The following GLB1L2 variants were observed in gnomAD, a reference collection of about 807,000 sequenced individuals.
GLB1L2 encodes galactosidase beta 1 like 2, also known as beta-galactosidase-1-like protein 2.
GLB1L2 carries 68 observed loss-of-function variants against 84.1 expected under a neutral mutation model. The ratio of observed to expected loss-of-function variants is 0.81; its 90% CI spans 0.67 to 0.99. The LOEUF (loss-of-function observed/expected upper bound fraction) is 0.99. Among genes scored for constraint, GLB1L2 ranks in the 50% least tolerant of loss-of-function variants. The pLI is 0.00. For missense variants in GLB1L2, 762 were observed against 805.6 expected (o/e 0.95, Z 0.66); for synonymous variants, 290 against 318.0 (o/e 0.91, Z 0.94).
Position 134,373,861 on chromosome 11 carries a change from G to A in GLB1L2, c.1595+53G>A, listed in dbSNP as rs1943989832. 2.3e-6 allele frequency: 3 copies of A among 1,295,642 alleles called. No homozygotes were observed. The Admixed American group carries it at 5.6e-5, about 24-fold the overall frequency. The allele number at this position is 1,295,642 out of a possible 1,614,324, so 80.3% of individuals were successfully genotyped here. On this transcript the variant is annotated intron_variant, in intron 16 of 18. Coordinates refer to ENST00000535456, the MANE Select transcript of GLB1L2 (RefSeq NM_001370461.1). ...GCACTCACAGGTATAGTGCTGTGTG[G>A]TGGGGCCCAGGGGTCCCTGGTGCAC... is the stretch of plus-strand genomic sequence containing the variant.
intron 8 of GLB1L2, 107 bp from the exon 9 acceptor site, chr11:134,367,150 A>G (rs1308998686): frequency 1.0e-6 from 1 of 968,348 alleles, no homozygotes; most frequent in African/African-American, 1.6e-5. Flanking sequence ...GTATGCAGAC[A>G]GGGAAGAGTA....
intron 1 of GLB1L2, among the ~76,000 whole-genome samples, chr11:134,335,732 G>T (rs1175450161): frequency 6.6e-6 from 1 of 152,180 alleles, no homozygotes; most frequent in East Asian, 1.9e-4. Flanking sequence ...TAAGGAAGTG[G>T]CAAGTGAAAT....
rs527856314 is a variant in GLB1L2, at chr11:134,356,771, G to A, written c.651+378G>A. Reference sequence around the variant, plus strand: ...TAAGAAATCCCTGCGCCCAGGCCATGTACCATACCAAGCAAAGAAGAATCC... The same window carrying A: ...TAAGAAATCCCTGCGCCCAGGCCATATACCATACCAAGCAAAGAAGAATCC... On this transcript the variant is annotated intron_variant, in intron 6 of 18. Coordinates refer to ENST00000535456, the MANE Select transcript of GLB1L2 (RefSeq NM_001370461.1). 1.3e-3 allele frequency among the ~76,000 whole-genome samples: 201 copies of A among 152,202 alleles called. 1 individual carries two copies. Among genetic ancestry groups the A allele is most frequent in the Non-Finnish European group, 2.6e-3 (177 of 68,034 alleles).
At chr11:134,355,584 C>T (rs1460205376) in intron 5 of GLB1L2, among the ~76,000 whole-genome samples, 4 of 152,196 alleles carry the variant, frequency 2.6e-5, no homozygotes, top group African/African-American at 7.2e-5. Context: ...CCCTCCCTAC[C>T]TCCCCTCCCT....
intron 15 of GLB1L2, among the ~76,000 whole-genome samples, chr11:134,373,377 T>C (rs897676708): frequency 6.6e-6 from 1 of 152,202 alleles, no homozygotes; most frequent in Non-Finnish European, 1.5e-5. Context: ...CCACTGAAAC[T>C]GGCCCTGCAG....
At chr11:134,343,193 A>G (rs1241434553) in intron 2 of GLB1L2, among the ~76,000 whole-genome samples, 1 of 152,198 alleles carries the variant, frequency 6.6e-6, no homozygotes, top group Non-Finnish European at 1.5e-5. Context: ...GAAGGCGGTG[A>G]GTGCAGATTG....
Position 134,375,135 on chromosome 11 carries a change from C to T in GLB1L2, c.*77C>T. 9.0e-7 allele frequency: 1 copy of T among 1,108,692 alleles called. No individual in the cohort carries two copies. 68.7% of individuals were successfully genotyped at this position (1,108,692 alleles called of 1,614,324 possible). On this transcript the variant is annotated 3_prime_UTR_variant, in exon 19 of 19. Transcript: ENST00000535456. ...GACCTGAAGCCTGGTGGCTGCTGCC[C>T]CACCCCTCACTGCAAAAGCATCTCC...
At position 134,375,454 on chromosome 11, in the gene GLB1L2, C is replaced by A; in HGVS notation, c.*396C>A. On this transcript the variant is annotated 3_prime_UTR_variant, in exon 19 of 19. Coordinates refer to ENST00000535456, the MANE Select transcript of GLB1L2 (RefSeq NM_001370461.1). ...GTGCTCTTTGCTGGTTCCTGGGAGG[C>A]TTGGCCACATCCCTCATGGCCCCAT... is the stretch of plus-strand genomic sequence containing the variant. 5.5e-6 allele frequency: 1 copy of A among 181,538 alleles called. No individual in the cohort carries two copies. The highest frequency in any genetic ancestry group is 1.7e-4 in the East Asian group (1 of 6,044). 11.2% of individuals were successfully genotyped at this position (181,538 alleles called of 1,614,324 possible).
rs1209868618 is a variant in GLB1L2 at position 134,334,009 on chromosome 11, T to C, written c.86+1862T>C. Among the ~76,000 whole-genome samples, 1 of 152,186 alleles carries C rather than the reference T, an allele frequency of 6.6e-6. No homozygotes were observed. The highest frequency in any genetic ancestry group is 1.5e-5 in the Non-Finnish European group (1 of 68,036). ...ACCCTCATGGGTACATTCTGCCAGTTCCTCCTGTCTGACTTGGGCTGGACA... is the reference window on the plus strand; with the variant it reads ...ACCCTCATGGGTACATTCTGCCAGTCCCTCCTGTCTGACTTGGGCTGGACA... On this transcript the variant is annotated intron_variant, in intron 1 of 18. Transcript: ENST00000535456. This position sits in a 1 kb window ranked among gnomAD's most constrained non-coding sequence, Gnocchi z 4.1.
At chr11:134,343,089 C>T in intron 2 of GLB1L2, 138 bp downstream of exon 2, 1 of 819,172 alleles carries the variant, frequency 1.2e-6, no homozygotes, top group South Asian at 1.9e-5. Flanking sequence ...CTCCTCCCCA[C>T]CACAGAGCTC....
intron 15 of GLB1L2, 106 bp downstream of exon 15, chr11:134,371,936 G>A: frequency 9.1e-7 from 1 of 1,098,762 alleles, no homozygotes; most frequent in South Asian, 1.3e-5. Context: ...CTCTTGCAGG[G>A]AGGTGGAGGC....
rs61748910 is a variant in GLB1L2, at chr11:134,369,782, T to C, written c.1028-23T>C. 1.4e-4 allele frequency: 231 copies of C among 1,602,564 alleles called. 2 individuals carry two copies. The Middle Eastern group carries it at 8.8e-3, about 61-fold the overall frequency. ...GCTGTGCTGGGGACAGGAATGACCA[T>C]GACAGGGCCCGGTGTCTTGCAGACT... On this transcript the variant is annotated intron_variant, in intron 10 of 18. Transcript: ENST00000535456.
intron 10 of GLB1L2, 70 bp downstream of exon 10, chr11:134,368,851 G>C (rs1943901764): frequency 2.6e-6 from 4 of 1,548,592 alleles, no homozygotes; most frequent in African/African-American, 2.7e-5. Flanking sequence ...GCTATGGAGA[G>C]GCCCTCAGGG....
chr11:134,336,105 A>G (rs1943383389), intron 1 of GLB1L2, among the ~76,000 whole-genome samples: 2 of 152,222 alleles, frequency 1.3e-5, no homozygotes, highest in Admixed American at 6.5e-5. Context: ...CTAACGAGGT[A>G]GATATTTCTT....
intron 1 of GLB1L2, 112 bp downstream of exon 1, chr11:134,332,259 C>T: frequency 1.4e-6 from 1 of 694,288 alleles, no homozygotes; most frequent in Non-Finnish European, 2.3e-6. Context: ...GGGGAGCAGC[C>T]CCAGCTGCTT....
At chr11:134,357,915 T>A (rs1012324751) in intron 6 of GLB1L2, among the ~76,000 whole-genome samples, 9 of 152,108 alleles carry the variant, frequency 5.9e-5, no homozygotes, top group Non-Finnish European at 1.3e-4. Context: ...ATGTTAAGTG[T>A]GTGTGTATGT....
chr11:134,349,908 A>C (rs1274861747), intron 5 of GLB1L2, among the ~76,000 whole-genome samples: 1 of 152,132 alleles, frequency 6.6e-6, no homozygotes, highest in Non-Finnish European at 1.5e-5. Context: ...TATGTCTAGA[A>C]GTGTCTGGAA....
intron 4 of GLB1L2, among the ~76,000 whole-genome samples, chr11:134,345,749 A>G (rs765200098): frequency 2.1e-4 from 32 of 152,208 alleles, no homozygotes; most frequent in Non-Finnish European, 4.1e-4. Context: ...GATTACAGGC[A>G]TGAGCCACCG....
At position 134,344,166 on chromosome 11, in the gene GLB1L2, G is replaced by C. The variant is rs982147747; in HGVS notation, c.285-221G>C. On this transcript the variant is annotated intron_variant, in intron 2 of 18. Coordinates refer to ENST00000535456, the MANE Select transcript of GLB1L2 (RefSeq NM_001370461.1). ...AGAGCGCCTGACCTTTTACTCAGCCGGTCTTATGCTTCATCCAAATCTTGT... is the reference window on the plus strand; with the variant it reads ...AGAGCGCCTGACCTTTTACTCAGCCCGTCTTATGCTTCATCCAAATCTTGT... 4.6e-5 allele frequency among the ~76,000 whole-genome samples: 7 copies of C among 152,284 alleles called. No homozygotes were observed. The East Asian group carries it at 1.2e-3, about 25-fold the overall frequency.
Sources: gnomAD v4.1 joint callset for allele counts (sites outside exome capture counted in the v4.1 genomes callset) on GRCh38, gnomAD v4.1.1 for gene constraint, Gnocchi (gnomAD v3.1) non-coding constraint, MANE v1.5 for transcripts, NCBI Gene and HGNC (gene_info 2026-07-23, HGNC 2026-07-21) for gene names.